Variants in IQCH observed in about 807,000 individuals in gnomAD.
The protein encoded by IQCH is IQ domain-containing protein H.
Under a neutral mutation model 117.0 loss-of-function variants are expected in IQCH, and 98 were observed. The ratio of observed to expected loss-of-function variants is 0.84; its 90% CI spans 0.71 to 0.99. The LOEUF is 0.99. IQCH is among the 50% of genes least tolerant of loss of function. The pLI is 0.00. For missense variants in IQCH, 1,102 were observed against 1,243.8 expected, an observed-to-expected ratio of 0.89 and a Z score of 1.72; for synonymous variants, 412 against 448.2, an observed-to-expected ratio of 0.92 and a Z score of 1.02.
chr15:67,281,717 G>T (rs1259017434), intron 4 of IQCH: 1 of 454,434 alleles, frequency 2.2e-6, no homozygotes. Flanking sequence ...AGCTTTGCAA[G>T]ACCACTTCTG....
rs767491994 is a variant in IQCH, at chr15:67,400,293, G to C, written c.2085G>C (p.Lys695Asn). The change falls in exon 14 of 21, where the codon AAG (lysine) becomes AAC (asparagine). Residue 695 changes from lysine (K) to asparagine (N), a missense_variant. Around this residue, in one of 2 missense-constraint regions of IQCH, gnomAD observed 650 missense variants for 794.3 expected, o/e 0.82. Coordinates refer to ENST00000335894, the MANE Select transcript of IQCH (RefSeq NM_001031715.3). ...SSRYGLEDWR[K>N]KWAQEPALVK... Reference sequence around the variant, plus strand: ...GATATGGCCTTGAAGACTGGAGAAAGAAATGGGCACAAGTGAGTATTCAAT... The same window carrying C: ...GATATGGCCTTGAAGACTGGAGAAACAAATGGGCACAAGTGAGTATTCAAT... 1.6e-5 allele frequency: 26 copies of C among 1,612,856 alleles called. No homozygotes were observed. Among genetic ancestry groups the C allele is most frequent in the Non-Finnish European group, 2.2e-5 (26 of 1,179,000 alleles).
intron 16 of IQCH, among the ~76,000 whole-genome samples, chr15:67,423,782 A>G (rs2081813324): frequency 6.7e-6 from 1 of 149,872 alleles, no homozygotes; most frequent in Non-Finnish European, 1.5e-5. Context: ...TGAACCCAGG[A>G]GGCAGAGGTT....
chr15:67,278,181 A>G (rs905777646), intron 3 of IQCH, among the ~76,000 whole-genome samples: 1 of 152,346 alleles, frequency 6.6e-6, no homozygotes, highest in Middle Eastern at 3.4e-3. Flanking sequence ...TTGAGAGCTT[A>G]CCTTCATTAC....
intron 4 of IQCH, among the ~76,000 whole-genome samples, chr15:67,302,358 G>A (rs1433589705): frequency 6.6e-6 from 1 of 152,108 alleles, no homozygotes. Flanking sequence ...AATAGAAGAG[G>A]CAATCTGCTT....
intron 5 of IQCH, among the ~76,000 whole-genome samples, chr15:67,340,986 C>T (rs1464747117): frequency 1.3e-5 from 2 of 152,062 alleles, no homozygotes. Context: ...TGAAGGTAGA[C>T]GGATTGCTGG....
At chr15:67,341,045 C>A (rs961625810) in intron 5 of IQCH, among the ~76,000 whole-genome samples, 5 of 151,966 alleles carry the variant, frequency 3.3e-5, no homozygotes, top group Admixed American at 1.3e-4. Context: ...AACCGCAACC[C>A]CGACAAAAAA....
In IQCH at chr15:67,370,945, CA is replaced by C. The variant is rs556537508; in HGVS notation, c.754-1165del. 5.2e-3 allele frequency among the ~76,000 whole-genome samples: 729 copies of C among 140,026 alleles called. 5 individuals are homozygous for C. The highest frequency in any genetic ancestry group is 0.017 in the African/African-American group (654 of 37,570). The allele number at this position is 140,026 out of a possible 152,430, so 91.9% of individuals were successfully genotyped here. Reference sequence around the variant, plus strand: ...ACTCAACACAGTGCTGTGGCGTAATCATTATGGATAAATTGCTGGGGGGGGT... The same window carrying C: ...ACTCAACACAGTGCTGTGGCGTAATCTTATGGATAAATTGCTGGGGGGGGT... On this transcript the variant is annotated intron_variant, in intron 8 of 20. Transcript: ENST00000335894. This position sits in a 1 kb window ranked among gnomAD's most constrained non-coding sequence, Gnocchi z 5.6.
chr15:67,265,368 T>A (rs1445095848), intron 3 of IQCH, among the ~76,000 whole-genome samples: 1 of 152,218 alleles, frequency 6.6e-6, no homozygotes, highest in Admixed American at 6.5e-5. Context: ...AAGTGGTACT[T>A]GGATCATATC....
intron 10 of IQCH, among the ~76,000 whole-genome samples, chr15:67,383,705 A>AT (rs2140826337): frequency 6.6e-6 from 1 of 152,342 alleles, no homozygotes; most frequent in East Asian, 1.9e-4. Flanking sequence ...GTAACTGCCT[A>AT]TATTAGCTTT....
rs948751359 is a variant in IQCH, at chr15:67,427,636, A to G, written c.2505+6059A>G. On this transcript the variant is annotated intron_variant, in intron 16 of 20. Coordinates refer to ENST00000335894, the MANE Select transcript of IQCH (RefSeq NM_001031715.3). This position sits in a 1 kb window ranked among gnomAD's most constrained non-coding sequence, Gnocchi z 4.7. ...TTGCATCTGAGGTAACCTACAGTTC[A>G]AAACAGTCTTTATTTCAATAACATT... 6.6e-6 allele frequency among the ~76,000 whole-genome samples: 1 copy of G among 152,214 alleles called. No homozygotes were observed. Among genetic ancestry groups the G allele is most frequent in the Non-Finnish European group, 1.5e-5 (1 of 68,030 alleles).
intron 4 of IQCH, among the ~76,000 whole-genome samples, chr15:67,284,663 T>C (rs1195098042): frequency 6.6e-6 from 1 of 152,172 alleles, no homozygotes; most frequent in Admixed American, 6.5e-5. Flanking sequence ...TCTCTATGTG[T>C]CCATGTGTTC....
At chr15:67,363,153 A>T (rs1970206244) in intron 8 of IQCH, among the ~76,000 whole-genome samples, 1 of 152,202 alleles carries the variant, frequency 6.6e-6, no homozygotes, top group African/African-American at 2.4e-5. Flanking sequence ...TTAAAGGAAG[A>T]AGAGAAAAGA....
chr15:67,416,854 G>A lies in IQCH; in HGVS notation c.2098-77G>A. On this transcript the variant is annotated intron_variant, in intron 14 of 20. Transcript: ENST00000335894. The surrounding 1 kb of genome is among the most constrained non-coding windows in gnomAD (Gnocchi z 5.1). ...CATTTTTTTTGCCTGTTGGAGGCCTGGTTTTTAATCACTCCACAAGCAGTT... is the reference window on the plus strand; with the variant it reads ...CATTTTTTTTGCCTGTTGGAGGCCTAGTTTTTAATCACTCCACAAGCAGTT... 1 of 1,272,810 alleles carries A rather than the reference G, an allele frequency of 7.9e-7. No homozygotes were observed. The highest frequency in any genetic ancestry group is 1.0e-6 in the Non-Finnish European group (1 of 975,904). 78.8% of individuals were successfully genotyped at this position (1,272,810 alleles called of 1,614,324 possible).
Position 67,369,495 on chromosome 15 carries a change from AAG to A in IQCH, c.754-2614_754-2613del, listed in dbSNP as rs1188738918. On this transcript the variant is annotated intron_variant, in intron 8 of 20. Coordinates refer to ENST00000335894, the MANE Select transcript of IQCH (RefSeq NM_001031715.3). This position sits in a 1 kb window ranked among gnomAD's most constrained non-coding sequence, Gnocchi z 5.2. ...GGAAAGAGAGAGGAAGGAAGAGAAA[AAG>A]AAAAAAGAGAAAGAAGAGAGGGAAG... is the stretch of plus-strand genomic sequence containing the variant. 6.6e-6 allele frequency among the ~76,000 whole-genome samples: 1 copy of A among 151,126 alleles called. No individual in the cohort carries two copies.
chr15:67,490,161 C>T lies in IQCH; in HGVS notation c.2861+97C>T. ...CTTCTCATGCATTTTAATCAGCATG[C>T]TGATTTATTAGAAGTCTATCTTTAT... On this transcript the variant is annotated intron_variant, in intron 19 of 20. Transcript: ENST00000335894. The surrounding 1 kb of genome is among the most constrained non-coding windows in gnomAD (Gnocchi z 4.9). 1 of 824,560 alleles carries T rather than the reference C, an allele frequency of 1.2e-6. No homozygotes were observed. The highest frequency in any genetic ancestry group is 1.5e-5 in the South Asian group (1 of 67,416). 51.1% of individuals were successfully genotyped at this position (824,560 alleles called of 1,614,324 possible).
intron 12 of IQCH, among the ~76,000 whole-genome samples, chr15:67,392,022 G>T (rs1971302119): frequency 6.6e-6 from 1 of 152,172 alleles, no homozygotes; most frequent in Non-Finnish European, 1.5e-5. Context: ...TCGATAAAAT[G>T]GGGAACTTGT....
chr15:67,276,079 A>T lies in IQCH; in HGVS notation c.270-3316A>T, dbSNP rs143321380. 1.9e-3 allele frequency among the ~76,000 whole-genome samples: 283 copies of T among 152,334 alleles called. 1 individual carries two copies. Among genetic ancestry groups the T allele is most frequent in the Admixed American group, 5.2e-3 (80 of 15,298 alleles). The stretch of plus-strand genomic sequence containing the variant: ...TAACACATCTATATGTATGTTATAT[A>T]GCTATTAAAACTGATATTGAAGAAA... On this transcript the variant is annotated intron_variant, in intron 3 of 20. Coordinates refer to ENST00000335894, the MANE Select transcript of IQCH (RefSeq NM_001031715.3).
At chr15:67,409,125 T>C (rs2081378673) in intron 14 of IQCH, among the ~76,000 whole-genome samples, 1 of 152,030 alleles carries the variant, frequency 6.6e-6, no homozygotes, top group Non-Finnish European at 1.5e-5. Context: ...ATTCTGGGAG[T>C]AGTGTAAACA....
chr15:67,352,389 C>T (rs146272888), intron 6 of IQCH, among the ~76,000 whole-genome samples: 1 of 152,030 alleles, frequency 6.6e-6, no homozygotes, highest in African/African-American at 2.4e-5. Context: ...AGATTTGTCA[C>T]TGTCTTTGCT....
Sources: gnomAD v4.1 joint callset for allele counts (sites outside exome capture counted in the v4.1 genomes callset) on GRCh38, gnomAD v4.1.1 for gene constraint, gnomAD v4.1.1 regional missense constraint, Gnocchi (gnomAD v3.1) non-coding constraint, MANE v1.5 for transcripts, NCBI Gene and HGNC (gene_info 2026-07-23, HGNC 2026-07-21) for gene names.